The following KCND3 variants were observed in gnomAD, a reference collection of about 807,000 sequenced individuals.
The protein encoded by KCND3 is potassium voltage-gated channel subfamily D member 3.
KCND3 carries 9 observed loss-of-function variants against 51.1 expected under a neutral mutation model. The ratio of observed to expected loss-of-function variants is 0.18; its 90% CI spans 0.11 to 0.31. KCND3 has a LOEUF of 0.31. Ranked by LOEUF, KCND3 falls within the 10% of genes least tolerant of loss-of-function variation. KCND3 has a pLI of 1.00. For synonymous variants in KCND3, 349 were observed against 368.0 expected (o/e 0.95, Z 0.59); for missense variants, 526 against 903.8 (o/e 0.58, Z 5.36).
intron 2 of KCND3, among the ~76,000 whole-genome samples, chr1:111,813,476 CAT>C (rs1422261135): frequency 1.4e-4 from 21 of 152,260 alleles, no homozygotes; most frequent in Non-Finnish European, 2.6e-4. Context: ...ACCCTCTTCA[CAT>C]CATAGCACAT....
chr1:111,976,529 A>C lies in KCND3; in HGVS notation c.1106+5092T>G, dbSNP rs181930537. Among the ~76,000 whole-genome samples, 4 of 152,376 alleles carry C rather than the reference A, an allele frequency of 2.6e-5. 1 individual carries two copies. In the East Asian group the frequency reaches 7.7e-4, roughly 29 times the overall value. On this transcript the variant is annotated intron_variant, in intron 2 of 7. Coordinates refer to ENST00000302127, the MANE Select transcript of KCND3 (RefSeq NM_001378969.1). ...TGTTTGAGTGAACAAATACTTATTGAGACACACTATATATCAAGCTCTGTG... is the reference window on the plus strand; with the variant it reads ...TGTTTGAGTGAACAAATACTTATTGCGACACACTATATATCAAGCTCTGTG...
intron 2 of KCND3, among the ~76,000 whole-genome samples, chr1:111,968,502 T>A (rs910229626): frequency 2.6e-5 from 4 of 152,218 alleles, no homozygotes; most frequent in African/African-American, 9.6e-5. Flanking sequence ...TCACAACTTA[T>A]GAAGAAAGAT....
intron 2 of KCND3, among the ~76,000 whole-genome samples, chr1:111,891,388 C>T (rs1449803964): frequency 6.6e-6 from 1 of 152,172 alleles, no homozygotes; most frequent in African/African-American, 2.4e-5. Context: ...GAATAAATAA[C>T]AGAATGTCTG....
intron 2 of KCND3, among the ~76,000 whole-genome samples, chr1:111,929,420 A>G (rs1671857141): frequency 1.3e-5 from 2 of 152,208 alleles, no homozygotes; most frequent in South Asian, 4.1e-4. Flanking sequence ...CTGCCTTGGC[A>G]TCTCCTGGGG....
At chr1:111,913,700 G>T (rs6659081) in intron 2 of KCND3, among the ~76,000 whole-genome samples, 5,774 of 152,180 alleles carry the variant, frequency 0.038, 350 homozygotes, top group African/African-American at 0.13. Context: ...TTGAGCCCAG[G>T]AGTTGGAGAC....
At chr1:111,858,156 G>A (rs963253186) in intron 2 of KCND3, among the ~76,000 whole-genome samples, 4 of 152,098 alleles carry the variant, frequency 2.6e-5, no homozygotes, top group African/African-American at 7.2e-5. Flanking sequence ...CTTCTCACCC[G>A]TGCCCACCAA....
At chr1:111,824,252 A>G (rs893142408) in intron 2 of KCND3, among the ~76,000 whole-genome samples, 13 of 152,192 alleles carry the variant, frequency 8.5e-5, no homozygotes, top group African/African-American at 3.1e-4. Context: ...GCTTGGGGAA[A>G]GGGCCGGTAG....
intron 2 of KCND3, among the ~76,000 whole-genome samples, chr1:111,952,901 C>A (rs1011627795): frequency 6.6e-6 from 1 of 152,140 alleles, no homozygotes; most frequent in South Asian, 2.1e-4. Context: ...GACCTTCCCC[C>A]AAGCCAATTC....
At chr1:111,794,562 G>A (rs368153909) in intron 2 of KCND3, among the ~76,000 whole-genome samples, 1 of 152,226 alleles carries the variant, frequency 6.6e-6, no homozygotes, top group African/African-American at 2.4e-5. Flanking sequence ...GCTTCCTAGA[G>A]CCTCAGTGTT....
chr1:111,874,641 A>G (rs1668968441), intron 2 of KCND3, among the ~76,000 whole-genome samples: 1 of 152,144 alleles, frequency 6.6e-6, no homozygotes, highest in Admixed American at 6.5e-5. Flanking sequence ...ATCTAAGATG[A>G]ACTCTGCATT....
chr1:111,876,410 G>A (rs942798779), intron 2 of KCND3, among the ~76,000 whole-genome samples: 24 of 152,194 alleles, frequency 1.6e-4, no homozygotes, highest in African/African-American at 4.6e-4. Flanking sequence ...TGGCTGTTCT[G>A]GCCCAGCCCA....
intron 2 of KCND3, among the ~76,000 whole-genome samples, chr1:111,875,484 A>G (rs1669009006): frequency 6.6e-6 from 1 of 152,206 alleles, no homozygotes; most frequent in African/African-American, 2.4e-5. Flanking sequence ...GGCCATTTCT[A>G]TACAAACCAA....
intron 2 of KCND3, among the ~76,000 whole-genome samples, chr1:111,812,550 C>T (rs921262010): frequency 2.5e-4 from 38 of 152,212 alleles, no homozygotes; most frequent in Admixed American, 2.1e-3. Context: ...TGCCAAGCAC[C>T]GTGCTAAGCA....
At chr1:111,986,098 G>T (rs1675266966) in intron 1 of KCND3, among the ~76,000 whole-genome samples, 1 of 152,294 alleles carries the variant, frequency 6.6e-6, no homozygotes, top group South Asian at 2.1e-4. Context: ...TCCTCAGCAT[G>T]CACTTAGCTA....
intron 2 of KCND3, among the ~76,000 whole-genome samples, chr1:111,918,849 G>A (rs932022056): frequency 2.6e-5 from 4 of 152,012 alleles, no homozygotes; most frequent in Non-Finnish European, 5.9e-5. Context: ...TTCTGTGCAT[G>A]GGTTATACCC....
At chr1:111,789,592 T>C (rs1664746515) in intron 2 of KCND3, among the ~76,000 whole-genome samples, 1 of 152,220 alleles carries the variant, frequency 6.6e-6, no homozygotes, top group African/African-American at 2.4e-5. Flanking sequence ...ATTGAATTTT[T>C]AAAGAAGGCA....
At position 111,802,840 on chromosome 1, in the gene KCND3, A is replaced by G. The variant is rs895804057; in HGVS notation, c.1107-15734T>C. On this transcript the variant is annotated intron_variant, in intron 2 of 7. Transcript: ENST00000302127. ...GGAAAACCCTGAAGAGCCCTTTCAC[A>G]TCTTGCAAGCTTCCAGCTCTGGGCT... Among the ~76,000 whole-genome samples, 21 of 152,212 alleles carry G rather than the reference A, an allele frequency of 1.4e-4. 1 individual carries two copies. The highest frequency in any genetic ancestry group is 8.5e-4 in the Admixed American group (13 of 15,282).
At chr1:111,791,723 A>T (rs1052170532) in intron 2 of KCND3, among the ~76,000 whole-genome samples, 3 of 152,214 alleles carry the variant, frequency 2.0e-5, no homozygotes, top group Non-Finnish European at 4.4e-5. Context: ...GGTCTTTAGG[A>T]GTCAAAAGGA....
intron 5 of KCND3, among the ~76,000 whole-genome samples, chr1:111,778,840 C>T (rs1664249979): frequency 6.6e-6 from 1 of 152,152 alleles, no homozygotes; most frequent in Non-Finnish European, 1.5e-5. Context: ...CCCTCAAATT[C>T]AGCATTCCAT....
Sources: gnomAD v4.1 joint callset for allele counts (sites outside exome capture counted in the v4.1 genomes callset) on GRCh38, gnomAD v4.1.1 for gene constraint, MANE v1.5 for transcripts, NCBI Gene and HGNC (gene_info 2026-07-23, HGNC 2026-07-21) for gene names.